Variants in PTPRN2 observed in about 807,000 individuals in gnomAD.
The protein encoded by PTPRN2 is receptor-type tyrosine-protein phosphatase N2.
A neutral mutation model predicts 118.8 loss-of-function variants in PTPRN2; 74 were observed. The observed-to-expected ratio is 0.62, with a 90% confidence interval of 0.52 to 0.76. PTPRN2 has a LOEUF of 0.76. Among genes scored for constraint, PTPRN2 ranks in the 30% least tolerant of loss-of-function variants. The probability of loss-of-function intolerance (pLI) is 0.00; values close to 1 mark genes in which losing one functional copy is unlikely to be tolerated. For synonymous variants in PTPRN2, 641 were observed against 608.0 expected (o/e 1.05, Z -0.80); for missense variants, 1,481 against 1,394.4 (o/e 1.06, Z -0.99).
intron 11 of PTPRN2, among the ~76,000 whole-genome samples, chr7:158,042,960 C>T (rs1281862521): frequency 6.6e-6 from 1 of 152,150 alleles, no homozygotes; most frequent in Non-Finnish European, 1.5e-5. Flanking sequence ...AAGCAAAACA[C>T]TCTTGGAGGT....
rs558847835 is a variant in PTPRN2 at position 158,115,183 on chromosome 7, T to TAAC, written c.1557-4271_1557-4269dup. Among the ~76,000 whole-genome samples the TAAC allele has an allele frequency of 4.7e-3, 716 of 151,766 alleles. 4 individuals are homozygous for TAAC. The highest frequency in any genetic ancestry group is 0.018 in the South Asian group (84 of 4,784). On this transcript the variant is annotated intron_variant, in intron 9 of 22. Coordinates refer to ENST00000389418, the MANE Select transcript of PTPRN2 (RefSeq NM_002847.5). ...AAAGAGCAAGACCCCATATCCAAAA[T>TAAC]AACAACAACAACAACAACAAAAGTT...
chr7:157,701,134 T>C (rs73163863), intron 12 of PTPRN2, among the ~76,000 whole-genome samples: 12,458 of 152,244 alleles, frequency 0.082, 852 homozygotes, highest in African/African-American at 0.17. Flanking sequence ...CATTTTTTTT[T>C]CCAGTTTTAC....
At chr7:158,232,562 A>T (rs1829229912) in intron 3 of PTPRN2, among the ~76,000 whole-genome samples, 1 of 152,160 alleles carries the variant, frequency 6.6e-6, no homozygotes, top group Non-Finnish European at 1.5e-5. Flanking sequence ...CAAAAAATTG[A>T]AGAGGAGGGA....
intron 5 of PTPRN2, among the ~76,000 whole-genome samples, chr7:158,189,152 T>C (rs1175139915): frequency 6.6e-6 from 1 of 152,220 alleles, no homozygotes; most frequent in Non-Finnish European, 1.5e-5. Flanking sequence ...TCCTGCAATT[T>C]GCTACGGTTT....
chr7:158,391,538 A>G (rs1035469260), intron 2 of PTPRN2, among the ~76,000 whole-genome samples: 1 of 152,200 alleles, frequency 6.6e-6, no homozygotes, highest in Non-Finnish European at 1.5e-5. Flanking sequence ...GAGGATACAA[A>G]TGTCTCATTT....
At chr7:157,848,091 G>A (rs1263559986) in intron 12 of PTPRN2, among the ~76,000 whole-genome samples, 1 of 142,916 alleles carries the variant, frequency 7.0e-6, no homozygotes, top group African/African-American at 2.6e-5. Context: ...GGTGCCGTAT[G>A]TTTACAGATG....
chr7:157,736,323 T>C (rs917327232), intron 12 of PTPRN2, among the ~76,000 whole-genome samples: 1 of 152,156 alleles, frequency 6.6e-6, no homozygotes, highest in African/African-American at 2.4e-5. Flanking sequence ...AATCCATCCA[T>C]TGAAGCTCTG....
chr7:158,341,637 CAT>C (rs1806829532), intron 2 of PTPRN2, among the ~76,000 whole-genome samples: 2 of 85,302 alleles, frequency 2.3e-5, no homozygotes, highest in African/African-American at 5.1e-5. Context: ...AGAGGTAACA[CAT>C]GCAGACGTCA....
At chr7:157,730,467 C>T (rs1401979885) in intron 12 of PTPRN2, among the ~76,000 whole-genome samples, 2 of 152,312 alleles carry the variant, frequency 1.3e-5, no homozygotes, top group Middle Eastern at 3.4e-3. Context: ...GGCAAGAGGT[C>T]GCACGCCTGG....
intron 2 of PTPRN2, among the ~76,000 whole-genome samples, chr7:158,403,454 C>T (rs1445070388): frequency 1.3e-5 from 2 of 152,364 alleles, no homozygotes; most frequent in African/African-American, 4.8e-5. Context: ...CAGCTGCCCT[C>T]GTTCTGCAAC....
At chr7:158,139,319 G>A (rs1407530184) in intron 6 of PTPRN2, among the ~76,000 whole-genome samples, 4 of 152,126 alleles carry the variant, frequency 2.6e-5, no homozygotes, top group East Asian at 1.9e-4. Flanking sequence ...TGAAGAGCAC[G>A]GCGTCTGAAA....
At chr7:158,367,498 C>T (rs1244394669) in intron 2 of PTPRN2, among the ~76,000 whole-genome samples, 1 of 152,164 alleles carries the variant, frequency 6.6e-6, no homozygotes, top group African/African-American at 2.4e-5. Flanking sequence ...AACTGGGAGG[C>T]TGGGCGGTGG....
intron 3 of PTPRN2, among the ~76,000 whole-genome samples, chr7:158,242,975 TTGA>T (rs2150861080): frequency 6.6e-6 from 1 of 152,364 alleles, no homozygotes; most frequent in South Asian, 2.1e-4. Context: ...ACTCCCAATT[TTGA>T]TGATCTTTCC....
chr7:158,332,519 C>G (rs1488327376), intron 2 of PTPRN2, among the ~76,000 whole-genome samples: 1 of 149,034 alleles, frequency 6.7e-6, no homozygotes, highest in African/African-American at 2.5e-5. Context: ...AGAGCTGAGG[C>G]ACAAAGAGGT....
In PTPRN2 at chr7:158,083,940, G is replaced by GGCTCTTTCCTAAAACCCATAGTGGCT. The variant is rs71189765; in HGVS notation, c.1644-2564_1644-2563insAGCCACTATGGGTTTTAGGAAAGAGC. ...ACCTTCCCTAACTTGAATATGTGCAGGCTCTGACGTGGGAAGAAGTCTCTA... is the reference window on the plus strand; with the variant it reads ...ACCTTCCCTAACTTGAATATGTGCAGGCTCTTTCCTAAAACCCATAGTGGCTGCTCTGACGTGGGAAGAAGTCTCTA... On this transcript the variant is annotated intron_variant, in intron 10 of 22. Transcript: ENST00000389418. Among the ~76,000 whole-genome samples, 22 of 151,814 alleles carry GGCTCTTTCCTAAAACCCATAGTGGCT rather than the reference G, an allele frequency of 1.4e-4. No individual in the cohort carries two copies. In the South Asian group the frequency reaches 1.5e-3, roughly 10 times the overall value.
chr7:157,595,225 T>A lies in PTPRN2; in HGVS notation c.2496+13A>T. 6.2e-7 allele frequency: 1 copy of A among 1,613,046 alleles called. No homozygotes were observed. Among genetic ancestry groups the A allele is most frequent in the Non-Finnish European group, 8.5e-7 (1 of 1,179,028 alleles). On this transcript the variant is annotated intron_variant, in intron 17 of 22. Coordinates refer to ENST00000389418, the MANE Select transcript of PTPRN2 (RefSeq NM_002847.5). ...CTTTTCAGAAAGAGAGATTTTAATT[T>A]AAAAATGTTCACCTGCCAAAAGTCA... is the stretch of plus-strand genomic sequence containing the variant.
intron 11 of PTPRN2, among the ~76,000 whole-genome samples, chr7:158,059,345 CT>C (rs1810109297): frequency 7.4e-6 from 1 of 135,266 alleles, no homozygotes; most frequent in Admixed American, 7.0e-5. Context: ...TGCAGCCACA[CT>C]CCATCTGCAC....
chr7:158,368,136 T>A (rs1418690746), intron 2 of PTPRN2, among the ~76,000 whole-genome samples: 1 of 152,326 alleles, frequency 6.6e-6, no homozygotes, highest in East Asian at 1.9e-4. Context: ...AGTCAGAGAA[T>A]TTGTCCTGTA....
rs548506496 is a variant in PTPRN2 at position 158,528,631 on chromosome 7, A to C, written c.113-38846T>G. ...GAAACCCCGTCTCTACTAAAAATAC[A>C]AAAAAAAAAAAAATTAGCCAGGTGT... is the stretch of plus-strand genomic sequence containing the variant. On this transcript the variant is annotated intron_variant, in intron 1 of 22. Transcript: ENST00000389418. 3.8e-5 allele frequency among the ~76,000 whole-genome samples: 5 copies of C among 130,194 alleles called. 1 individual carries two copies. Among genetic ancestry groups the C allele is most frequent in the African/African-American group, 1.4e-4 (4 of 28,730 alleles). 85.4% of individuals were successfully genotyped at this position (130,194 alleles called of 152,430 possible).
Sources: allele counts gnomAD v4.1 joint callset (sites outside exome capture counted in the v4.1 genomes callset), GRCh38; gene constraint gnomAD v4.1.1; transcripts MANE v1.5; gene names NCBI Gene and HGNC (gene_info 2026-07-23, HGNC 2026-07-21).